Variants in TMTC2 observed in about 807,000 individuals in gnomAD.
TMTC2 encodes transmembrane O-mannosyltransferase targeting cadherins 2, also known as protein O-mannosyl-transferase TMTC2.
TMTC2 carries 43 observed loss-of-function variants against 82.4 expected under a neutral mutation model. The ratio of observed to expected loss-of-function variants is 0.52; its 90% confidence interval spans 0.41 to 0.67. The LOEUF (loss-of-function observed/expected upper bound fraction) is 0.67. Ranked by LOEUF, TMTC2 falls within the 30% of genes least tolerant of loss-of-function variation. TMTC2 has a pLI of 0.00. For missense variants in TMTC2, 919 were observed against 1,012.4 expected (o/e 0.91, Z 1.25); for synonymous variants, 408 against 381.9 (o/e 1.07, Z -0.80).
chr12:82,927,644 G>A (rs555430336), intron 3 of TMTC2, among the ~76,000 whole-genome samples: 7 of 152,294 alleles, frequency 4.6e-5, no homozygotes, highest in South Asian at 4.1e-4. Context: ...GTGAAAGGAA[G>A]AGTTAATTGA....
intron 8 of TMTC2, among the ~76,000 whole-genome samples, chr12:82,994,264 G>A (rs1440567098): frequency 6.6e-6 from 1 of 152,028 alleles, no homozygotes; most frequent in Non-Finnish European, 1.5e-5. Flanking sequence ...AGCAATTCTC[G>A]TGCCTCAGCC....
At chr12:82,970,372 G>C (rs58491316) in intron 7 of TMTC2, among the ~76,000 whole-genome samples, 1 of 151,284 alleles carries the variant, frequency 6.6e-6, no homozygotes, top group Admixed American at 6.5e-5. Context: ...TCGCCCAGGC[G>C]GGACTGCGGA....
intron 1 of TMTC2, among the ~76,000 whole-genome samples, chr12:82,713,471 C>T (rs981232714): frequency 6.6e-6 from 1 of 152,154 alleles, no homozygotes; most frequent in Non-Finnish European, 1.5e-5. Context: ...AATGGACTTA[C>T]AGTTCCATGT....
intron 11 of TMTC2, among the ~76,000 whole-genome samples, chr12:83,105,436 A>G (rs1884361639): frequency 6.6e-6 from 1 of 152,186 alleles, no homozygotes; most frequent in Non-Finnish European, 1.5e-5. Context: ...TGCAGGCTGT[A>G]TGGAAGCATG....
chr12:82,760,387 G>T (rs1004860313), intron 1 of TMTC2: 1 of 148,392 alleles, frequency 6.7e-6, no homozygotes, highest in Non-Finnish European at 1.5e-5. Flanking sequence ...TTTATTCAAT[G>T]AATTATATTT....
chr12:83,083,014 C>T (rs1883526437), intron 11 of TMTC2, among the ~76,000 whole-genome samples: 1 of 152,160 alleles, frequency 6.6e-6, no homozygotes, highest in African/African-American at 2.4e-5. Flanking sequence ...GATCTTCTGC[C>T]TGCTGCATAA....
At chr12:82,812,552 A>C (rs1056844641) in intron 1 of TMTC2, among the ~76,000 whole-genome samples, 31 of 152,268 alleles carry the variant, frequency 2.0e-4, no homozygotes, top group Admixed American at 1.7e-3. Flanking sequence ...GAATTTTATT[A>C]AATTAAACTA....
intron 2 of TMTC2, among the ~76,000 whole-genome samples, chr12:82,884,888 A>G (rs2137161218): frequency 6.6e-6 from 1 of 151,822 alleles, no homozygotes; most frequent in South Asian, 2.1e-4. Flanking sequence ...AGTTTTTCAG[A>G]CTTTTTTTGT....
chr12:83,023,862 G>A (rs1252344457), intron 8 of TMTC2, among the ~76,000 whole-genome samples: 1 of 152,206 alleles, frequency 6.6e-6, no homozygotes, highest in African/African-American at 2.4e-5. Flanking sequence ...TCTGCTTTAG[G>A]ATGTTTAGGA....
intron 8 of TMTC2, among the ~76,000 whole-genome samples, chr12:83,000,534 A>C (rs1286622421): frequency 6.6e-6 from 1 of 152,186 alleles, no homozygotes; most frequent in Non-Finnish European, 1.5e-5. Context: ...GGTCTTGGGC[A>C]GCTCCACCCG....
chr12:82,704,790 G>T (rs972154700), intron 1 of TMTC2, among the ~76,000 whole-genome samples: 1 of 150,784 alleles, frequency 6.6e-6, no homozygotes, highest in Non-Finnish European at 1.5e-5. Flanking sequence ...ATTAGTATTA[G>T]AAAAAAAAGG....
intron 1 of TMTC2, chr12:82,759,406 A>T (rs1876494927): frequency 6.6e-6 from 1 of 152,232 alleles, no homozygotes; most frequent in Admixed American, 6.5e-5. Context: ...GAGAGATAAG[A>T]TTCTAATTAC....
In TMTC2 at chr12:82,943,985, A is replaced by G. The variant is rs139702342; in HGVS notation, c.1598+13440A>G. On this transcript the variant is annotated intron_variant, in intron 4 of 11. Transcript: ENST00000321196. ...AAATGTAAATCAGCCTGAAGGAAAGAGAAATGAAAAAGAAAAGAATAGAGG... is the reference window on the plus strand; with the variant it reads ...AAATGTAAATCAGCCTGAAGGAAAGGGAAATGAAAAAGAAAAGAATAGAGG... Among the ~76,000 whole-genome samples the G allele has an allele frequency of 2.4e-4, 37 of 152,322 alleles. No individual in the cohort carries two copies. The East Asian group carries it at 7.0e-3, about 29-fold the overall frequency.
chr12:82,781,879 T>G (rs1056387546), intron 1 of TMTC2, among the ~76,000 whole-genome samples: 3 of 151,940 alleles, frequency 2.0e-5, no homozygotes, highest in Non-Finnish European at 2.9e-5. Context: ...CATCTTGCTG[T>G]TCATTCCTGG....
At chr12:82,790,853 GAAAAA>G (rs1255671523) in intron 1 of TMTC2, among the ~76,000 whole-genome samples, 3 of 150,218 alleles carry the variant, frequency 2.0e-5, no homozygotes, top group Non-Finnish European at 3.0e-5. Context: ...GAAAGAAAAA[GAAAAA>G]GAAAAAATTC....
At chr12:83,083,151 T>C (rs983976788) in intron 11 of TMTC2, among the ~76,000 whole-genome samples, 8 of 152,184 alleles carry the variant, frequency 5.3e-5, no homozygotes, top group African/African-American at 1.9e-4. Flanking sequence ...CCATAGGAAG[T>C]GAAGTGCTTA....
intron 1 of TMTC2, among the ~76,000 whole-genome samples, chr12:82,783,594 A>G (rs1353953585): frequency 6.6e-6 from 1 of 152,104 alleles, no homozygotes; most frequent in African/African-American, 2.4e-5. Flanking sequence ...ATTTACATTT[A>G]TGATTTCATC....
At chr12:82,870,439 A>C (rs17010069) in intron 2 of TMTC2, among the ~76,000 whole-genome samples, 22,688 of 152,176 alleles carry the variant, frequency 0.15, 2,791 homozygotes, top group African/African-American at 0.33. Context: ...TACTGTTTGA[A>C]ATAGTTTATC....
At chr12:82,905,957 A>AC (rs1340377668) in intron 3 of TMTC2, among the ~76,000 whole-genome samples, 3 of 152,058 alleles carry the variant, frequency 2.0e-5, no homozygotes, top group Non-Finnish European at 4.4e-5. Flanking sequence ...AAAAAAAAAA[A>AC]AAAGAGAAAG....
Sources: gnomAD v4.1 joint callset for allele counts (sites outside exome capture counted in the v4.1 genomes callset) on GRCh38, gnomAD v4.1.1 for gene constraint, MANE v1.5 for transcripts, NCBI Gene and HGNC (gene_info 2026-07-23, HGNC 2026-07-21) for gene names.